Variants in SPINT2 observed in about 807,000 individuals in gnomAD.
The protein encoded by SPINT2 is kunitz-type protease inhibitor 2.
A neutral mutation model predicts 30.1 loss-of-function variants in SPINT2; 18 were observed. The ratio of observed to expected loss-of-function variants is 0.60; its 90% confidence interval spans 0.41 to 0.89. The LOEUF is 0.89. Among genes scored for constraint, SPINT2 ranks in the 40% least tolerant of loss-of-function variants. SPINT2 has a pLI of 0.00. For missense variants in SPINT2, 276 were observed against 334.3 expected (o/e 0.83, Z 1.36); for synonymous variants, 139 against 137.9 (o/e 1.01, Z -0.05).
At position 38,280,490 on chromosome 19, in the gene SPINT2, C is replaced by T. The variant is rs534109827; in HGVS notation, c.107-3137C>T. 1.9e-3 allele frequency among the ~76,000 whole-genome samples: 287 copies of T among 152,218 alleles called. No individual in the cohort carries two copies. The Middle Eastern group carries it at 0.02, about 11-fold the overall frequency. On this transcript the variant is annotated intron_variant, in intron 1 of 6. Transcript: ENST00000301244. ...GCTGCTGTGGTCTCATGTATCATCC[C>T]GTGCGCTGTTAGCTGAGGCCAGTGC...
At chr19:38,286,731 T>C (rs8101462) in intron 2 of SPINT2, among the ~76,000 whole-genome samples, 60,485 of 151,980 alleles carry the variant, frequency 0.4, 12,779 homozygotes, top group East Asian at 0.65. Context: ...TGCAGTGAGC[T>C]GAGATCGCGC....
chr19:38,266,276 T>C (rs1056075691), intron 1 of SPINT2, among the ~76,000 whole-genome samples: 2 of 151,910 alleles, frequency 1.3e-5, no homozygotes, highest in African/African-American at 4.8e-5. Flanking sequence ...TAGGGCTTTA[T>C]AGACAGGTGC....
Position 38,291,824 on chromosome 19 carries a change from C to T in SPINT2, c.593-16C>T, listed in dbSNP as rs777412780. On this transcript the variant is annotated splice_polypyrimidine_tract_variant and intron_variant, in intron 6 of 6. Transcript: ENST00000301244. ...CCCTTGCCTGGCCCGTCCTGAGGCC[C>T]CTCTCTCGTCCTCAGTGGTGGTTCT... The T allele has an allele frequency of 2.5e-6, 4 of 1,611,476 alleles. No homozygotes were observed. Among genetic ancestry groups the T allele is most frequent in the East Asian group, 2.2e-5 (1 of 44,860 alleles).
chr19:38,264,863 C>T lies in SPINT2; in HGVS notation c.-30C>T. On this transcript the variant is annotated 5_prime_UTR_variant, in exon 1 of 7. Coordinates refer to ENST00000301244, the MANE Select transcript of SPINT2 (RefSeq NM_021102.4). ...ATCGCGAGACCCCAACGGCTGGTGG[C>T]GTCGCCTGCGCGTCTCGGCTGAGCT... 1 of 1,529,324 alleles carries T rather than the reference C, an allele frequency of 6.5e-7. No individual in the cohort carries two copies. Among genetic ancestry groups the T allele is most frequent in the South Asian group, 1.2e-5 (1 of 83,716 alleles). 94.7% of individuals were successfully genotyped at this position (1,529,324 alleles called of 1,614,324 possible). A position where few individuals can be genotyped will look rare whatever the true frequency, so the allele number is the denominator to read the frequency against.
rs1048750254 is a variant in SPINT2 at position 38,269,612 on chromosome 19, T to C, written c.106+4614T>C. 5.4e-4 allele frequency among the ~76,000 whole-genome samples: 78 copies of C among 144,728 alleles called. 1 individual carries two copies. The highest frequency in any genetic ancestry group is 1.8e-3 in the African/African-American group (70 of 39,486). The allele number at this position is 144,728 out of a possible 152,430, so 94.9% of individuals were successfully genotyped here. ...GTTGAGATGGGATTTCTTTTCTTTT[T>C]TTTTTTTTTTTTTTGAGACGGAGTG... On this transcript the variant is annotated intron_variant, in intron 1 of 6. Coordinates refer to ENST00000301244, the MANE Select transcript of SPINT2 (RefSeq NM_021102.4).
chr19:38,277,139 C>T (rs1968529799), intron 1 of SPINT2, among the ~76,000 whole-genome samples: 1 of 152,142 alleles, frequency 6.6e-6, no homozygotes, highest in African/African-American at 2.4e-5. Flanking sequence ...ATTTTCTGTA[C>T]TCATCAGCAT....
intron 1 of SPINT2, among the ~76,000 whole-genome samples, chr19:38,281,878 A>G (rs1361541429): frequency 6.6e-6 from 1 of 152,146 alleles, no homozygotes; most frequent in African/African-American, 2.4e-5. Flanking sequence ...CCCAGTACCA[A>G]GCAGCCACTC....
At chr19:38,286,778 G>A (rs1002337034) in intron 2 of SPINT2, among the ~76,000 whole-genome samples, 11 of 152,122 alleles carry the variant, frequency 7.2e-5, no homozygotes, top group East Asian at 1.9e-4. Context: ...GCGAGACTCC[G>A]TTTCAAAACG....
rs1245734955 is a variant in SPINT2 at position 38,264,846 on chromosome 19, AC to A, written c.-43del. On this transcript the variant is annotated 5_prime_UTR_variant, in exon 1 of 7. Transcript: ENST00000301244. Reference sequence around the variant, plus strand: ...GGGGCTTCCCGCACCTGATCGCGAGACCCCAACGGCTGGTGGCGTCGCCTGC... The same window carrying A: ...GGGGCTTCCCGCACCTGATCGCGAGACCCAACGGCTGGTGGCGTCGCCTGC... The A allele has an allele frequency of 1.3e-6, 2 of 1,519,252 alleles. No homozygotes were observed. Among genetic ancestry groups the A allele is most frequent in the East Asian group, 4.9e-5 (2 of 40,504 alleles). 94.1% of individuals were successfully genotyped at this position (1,519,252 alleles called of 1,614,324 possible). A position where few individuals can be genotyped will look rare whatever the true frequency, so the allele number is the denominator to read the frequency against.
Position 38,290,464 on chromosome 19 carries a change from T to G in SPINT2, c.554-73T>G. ...AAGAGCTCCCCATGGAGGCCCTGGC[T>G]GAGGGGATCCCCTGCGGCAGCTCTG... is the stretch of plus-strand genomic sequence containing the variant. On this transcript the variant is annotated intron_variant, in intron 5 of 6. Transcript: ENST00000301244. The surrounding 1 kb of genome is among the most constrained non-coding windows in gnomAD (Gnocchi z 4.3). The G allele has an allele frequency of 2.5e-6, 4 of 1,612,376 alleles. No homozygotes were observed. The highest frequency in any genetic ancestry group is 3.4e-6 in the Non-Finnish European group (4 of 1,178,922).
chr19:38,264,815 C>A lies in SPINT2; in HGVS notation c.-78C>A. On this transcript the variant is annotated 5_prime_UTR_variant, in exon 1 of 7. Transcript: ENST00000301244. The stretch of plus-strand genomic sequence containing the variant: ...CGCGAGGCGCTCCATTGCGCGTGCG[C>A]GTTGAGGGGCTTCCCGCACCTGATC... 1.4e-6 allele frequency: 2 copies of A among 1,435,158 alleles called. No individual in the cohort carries two copies. Among genetic ancestry groups the A allele is most frequent in the Non-Finnish European group, 1.9e-6 (2 of 1,060,358 alleles). 88.9% of individuals were successfully genotyped at this position (1,435,158 alleles called of 1,614,324 possible).
At chr19:38,276,659 A>G (rs1968522317) in intron 1 of SPINT2, among the ~76,000 whole-genome samples, 1 of 151,890 alleles carries the variant, frequency 6.6e-6, no homozygotes, top group South Asian at 2.1e-4. Context: ...CAAACAAACA[A>G]AGCTTATTTT....
intron 1 of SPINT2, 92 bp from the exon 2 acceptor site, chr19:38,283,535 G>GT: frequency 6.5e-7 from 1 of 1,536,992 alleles, no homozygotes. Flanking sequence ...CAAGGCTCTG[G>GT]TTCTCCTGGG....
In SPINT2 at chr19:38,292,142, C is replaced by G. The variant is rs1313146735; in HGVS notation, c.*136C>G. Reference sequence around the variant, plus strand: ...CTCTGGGAGGTAGGACGGCTGCTTCCTGGTCTGGCAGGGATGGGTTTGCTT... The same window carrying G: ...CTCTGGGAGGTAGGACGGCTGCTTCGTGGTCTGGCAGGGATGGGTTTGCTT... On this transcript the variant is annotated 3_prime_UTR_variant, in exon 7 of 7. Coordinates refer to ENST00000301244, the MANE Select transcript of SPINT2 (RefSeq NM_021102.4). 17 of 1,285,648 alleles carry G rather than the reference C, an allele frequency of 1.3e-5. No homozygotes were observed. The highest frequency in any genetic ancestry group is 8.1e-5 in the Admixed American group (4 of 49,620). The allele number at this position is 1,285,648 out of a possible 1,614,324, so 79.6% of individuals were successfully genotyped here.
intron 1 of SPINT2, among the ~76,000 whole-genome samples, chr19:38,267,979 T>C: frequency 6.6e-6 from 1 of 151,684 alleles, no homozygotes; most frequent in South Asian, 2.1e-4. Flanking sequence ...TCAGGGGAGA[T>C]TCCAATTAGG....
intron 1 of SPINT2, among the ~76,000 whole-genome samples, chr19:38,278,553 A>G (rs1600341061): frequency 6.6e-6 from 1 of 152,354 alleles, no homozygotes. Flanking sequence ...GCTGTGGCTC[A>G]TGCCTATGAT....
intron 3 of SPINT2, chr19:38,288,926 T>G: frequency 1.7e-6 from 1 of 573,988 alleles, no homozygotes; most frequent in Non-Finnish European, 3.1e-6. Flanking sequence ...AACCCTGAGG[T>G]GGCGGCAGGG....
At position 38,292,236 on chromosome 19, in the gene SPINT2, G is replaced by A. The variant is rs144871034; in HGVS notation, c.*230G>A. The A allele has an allele frequency of 1.2e-4, 65 of 530,656 alleles. No homozygotes were observed. The East Asian group carries it at 1.5e-3, about 13-fold the overall frequency. 32.9% of individuals were successfully genotyped at this position (530,656 alleles called of 1,614,324 possible). ...GGCAGCAGCCCCGAGTTGTTTCCTC[G>A]CTGATCGATTTCTTTCCTCCAGGTA... On this transcript the variant is annotated 3_prime_UTR_variant, in exon 7 of 7. Transcript: ENST00000301244.
chr19:38,288,007 T>C, intron 3 of SPINT2, 72 bp downstream of exon 3: 1 of 1,545,274 alleles, frequency 6.5e-7, no homozygotes, highest in Non-Finnish European at 9.0e-7. Flanking sequence ...ACTTGTCATT[T>C]GGGAACTGTC....
Sources: gnomAD v4.1 joint callset for allele counts (sites outside exome capture counted in the v4.1 genomes callset) on GRCh38, gnomAD v4.1.1 for gene constraint, Gnocchi (gnomAD v3.1) non-coding constraint, MANE v1.5 for transcripts, NCBI Gene and HGNC (gene_info 2026-07-23, HGNC 2026-07-21) for gene names.